The following ANO2 variants were observed in gnomAD, a reference collection of about 807,000 sequenced individuals.
ANO2 encodes anoctamin-2.
ANO2 carries 101 observed loss-of-function variants against 124.2 expected under a neutral mutation model. The ratio of observed to expected loss-of-function variants is 0.81; its 90% CI spans 0.69 to 0.96. ANO2 has a LOEUF of 0.96. ANO2 is among the 40% of genes least tolerant of loss of function. The pLI is 0.00. For synonymous variants in ANO2, 486 were observed against 482.5 expected, an observed-to-expected ratio of 1.01 and a Z score of -0.09; for missense variants, 1,293 against 1,274.5, an observed-to-expected ratio of 1.01 and a Z score of -0.22.
chr12:5,676,215 C>T (rs1948235178), intron 14 of ANO2, among the ~76,000 whole-genome samples: 2 of 152,156 alleles, frequency 1.3e-5, no homozygotes, highest in Admixed American at 6.5e-5. Flanking sequence ...AAGAAATATG[C>T]GTTTAGAAAG....
chr12:5,720,403 T>C (rs1052356802), intron 14 of ANO2, among the ~76,000 whole-genome samples: 5 of 152,174 alleles, frequency 3.3e-5, no homozygotes, highest in African/African-American at 1.2e-4. Flanking sequence ...CTGGAGGGCA[T>C]GTGTGTGTTT....
chr12:5,945,810 GT>G (rs1943077458), upstream of ANO2, among the ~76,000 whole-genome samples: 2 of 152,230 alleles, frequency 1.3e-5, no homozygotes, highest in Admixed American at 6.5e-5. Context: ...GAGGCAGGTA[GT>G]AAGTGCACAA....
At chr12:5,842,721 A>G (rs1457021144) in intron 4 of ANO2, among the ~76,000 whole-genome samples, 1 of 152,200 alleles carries the variant, frequency 6.6e-6, no homozygotes, top group South Asian at 2.1e-4. Flanking sequence ...TTTTAACGTC[A>G]CTGTTTCTGG....
chr12:5,563,647 C>G (rs1028798499), intron 24 of ANO2, 79 bp from the exon 25 acceptor site: 2 of 1,555,120 alleles, frequency 1.3e-6, no homozygotes, highest in Non-Finnish European at 8.7e-7. Flanking sequence ...CAGAATGCCT[C>G]TGTGTCAATC....
chr12:5,687,366 G>A (rs1948749772), intron 14 of ANO2, among the ~76,000 whole-genome samples: 1 of 152,200 alleles, frequency 6.6e-6, no homozygotes, highest in African/African-American at 2.4e-5. Context: ...CTGCATACAG[G>A]ACAAAACGAA....
upstream of ANO2, chr12:5,946,036 G>A: frequency 8.5e-6 from 11 of 1,295,926 alleles, no homozygotes; most frequent in Non-Finnish European, 1.0e-5. This position sits in a 1 kb window ranked among gnomAD's most constrained non-coding sequence, Gnocchi z 4.1. Context: ...CCTTCTGCAC[G>A]ATGGAATCTG....
chr12:5,780,004 T>C (rs574636993), intron 10 of ANO2, among the ~76,000 whole-genome samples: 1 of 152,248 alleles, frequency 6.6e-6, no homozygotes, highest in Non-Finnish European at 1.5e-5. Flanking sequence ...TCAAAATGGA[T>C]TGTAGAATAG....
chr12:5,888,297 G>A (rs1286216980), intron 3 of ANO2, among the ~76,000 whole-genome samples: 1 of 152,124 alleles, frequency 6.6e-6, no homozygotes, highest in Non-Finnish European at 1.5e-5. Context: ...TTCGCGGTGA[G>A]CGTTACAGCT....
chr12:5,670,571 A>G (rs1193982313), intron 14 of ANO2, among the ~76,000 whole-genome samples: 1 of 152,114 alleles, frequency 6.6e-6, no homozygotes, highest in African/African-American at 2.4e-5. Context: ...GTCTCACTCT[A>G]TTGCCCAGGC....
At position 5,890,539 on chromosome 12, in the gene ANO2, G is replaced by A. The variant is rs116748659; in HGVS notation, c.534+30501C>T. On this transcript the variant is annotated intron_variant, in intron 3 of 24. Coordinates refer to ENST00000682330, the MANE Select transcript of ANO2 (RefSeq NM_001364791.2). The stretch of plus-strand genomic sequence containing the variant: ...AAAGAATTCAGCCTAATAATTTCTT[G>A]CCAAGCCCTGTGTTAGGAACTTAGA... Among the ~76,000 whole-genome samples the A allele has an allele frequency of 5.4e-3, 827 of 152,290 alleles. 6 individuals are homozygous for A. The highest frequency in any genetic ancestry group is 0.019 in the African/African-American group (803 of 41,570).
chr12:5,703,720 A>C (rs1447078840), intron 14 of ANO2, among the ~76,000 whole-genome samples: 2 of 151,888 alleles, frequency 1.3e-5, no homozygotes, highest in African/African-American at 2.4e-5. Context: ...CTAGTTTTTA[A>C]AATTTTTTTG....
intron 4 of ANO2, among the ~76,000 whole-genome samples, chr12:5,851,593 G>A (rs755326435): frequency 1.3e-5 from 2 of 151,562 alleles, no homozygotes; most frequent in Non-Finnish European, 2.9e-5. Context: ...GTTGAGGCAG[G>A]AGAATTGCTT....
chr12:5,883,607 G>A (rs1214232018), intron 3 of ANO2, among the ~76,000 whole-genome samples: 1 of 151,720 alleles, frequency 6.6e-6, no homozygotes, highest in Non-Finnish European at 1.5e-5. Context: ...TTTGAGAGGT[G>A]GCCCCCATGG....
intron 14 of ANO2, among the ~76,000 whole-genome samples, chr12:5,698,563 C>T (rs939483793): frequency 6.6e-6 from 1 of 152,208 alleles, no homozygotes; most frequent in Non-Finnish European, 1.5e-5. Flanking sequence ...AGGAACGCAG[C>T]TCCTTGCCAG....
chr12:5,647,391 A>T (rs371799637), intron 15 of ANO2, among the ~76,000 whole-genome samples: 1 of 152,204 alleles, frequency 6.6e-6, no homozygotes, highest in African/African-American at 2.4e-5. Context: ...TGTGGCTTCC[A>T]GACCCTGGTC....
chr12:5,802,644 C>A (rs1953076829), intron 9 of ANO2, among the ~76,000 whole-genome samples: 1 of 152,212 alleles, frequency 6.6e-6, no homozygotes, highest in Non-Finnish European at 1.5e-5. Flanking sequence ...CCATATGGAC[C>A]AGCATGGTGT....
At chr12:5,830,606 GCA>G (rs1390282941) in intron 5 of ANO2, 117 bp from the exon 6 acceptor site, 12 of 738,460 alleles carry the variant, frequency 1.6e-5, no homozygotes, top group Admixed American at 5.3e-5. Flanking sequence ...CTTATGAGGT[GCA>G]CACACACACG....
At chr12:5,828,322 T>A (rs2137212279) in intron 6 of ANO2, among the ~76,000 whole-genome samples, 1 of 152,034 alleles carries the variant, frequency 6.6e-6, no homozygotes, top group South Asian at 2.1e-4. Flanking sequence ...AGCAGAAAGC[T>A]CCGAACGTGG....
intron 22 of ANO2, among the ~76,000 whole-genome samples, chr12:5,576,740 C>G (rs1344538705): frequency 6.6e-6 from 1 of 152,210 alleles, no homozygotes; most frequent in East Asian, 1.9e-4. Flanking sequence ...AGTCTTAAAT[C>G]TTTTTGGCAG....
Sources: allele counts gnomAD v4.1 joint callset (sites outside exome capture counted in the v4.1 genomes callset), GRCh38; gene constraint gnomAD v4.1.1; non-coding constraint Gnocchi (gnomAD v3.1); transcripts MANE v1.5; gene names NCBI Gene and HGNC (gene_info 2026-07-23, HGNC 2026-07-21).